Variants in LRRK1 observed in about 807,000 individuals in gnomAD.
LRRK1 encodes leucine rich repeat kinase 1.
LRRK1 carries 113 observed loss-of-function variants against 209.1 expected under a neutral mutation model. The observed-to-expected ratio is 0.54, with a 90% confidence interval of 0.46 to 0.63. The LOEUF is 0.63. Among genes scored for constraint, LRRK1 ranks in the 30% least tolerant of loss-of-function variants. LRRK1 has a pLI of 0.00. For missense variants in LRRK1, 2,284 were observed against 2,632.2 expected (o/e 0.87, Z 2.89); for synonymous variants, 1,144 against 1,099.7 (o/e 1.04, Z -0.80).
At chr15:101,014,721 T>C (rs551350995) in intron 11 of LRRK1, among the ~76,000 whole-genome samples, 1 of 152,182 alleles carries the variant, frequency 6.6e-6, no homozygotes, top group Non-Finnish European at 1.5e-5. Flanking sequence ...AATCTCCTCT[T>C]CTTATAAGGA....
intron 12 of LRRK1, among the ~76,000 whole-genome samples, chr15:101,018,208 A>G (rs1399508149): frequency 6.6e-6 from 1 of 150,636 alleles, no homozygotes; most frequent in East Asian, 1.9e-4. Flanking sequence ...ACAACACAAT[A>G]GGCAAAAAAA....
intron 32 of LRRK1, 110 bp downstream of exon 32, chr15:101,066,315 G>A: frequency 7.1e-7 from 1 of 1,404,468 alleles, no homozygotes; most frequent in Non-Finnish European, 9.6e-7. Context: ...TGGGGAGGCA[G>A]GTGCTGTTCT....
At chr15:100,943,441 TCTCA>T (rs1443577960) in intron 2 of LRRK1, among the ~76,000 whole-genome samples, 1 of 152,210 alleles carries the variant, frequency 6.6e-6, no homozygotes, top group Non-Finnish European at 1.5e-5. Flanking sequence ...ATGTTTCTAT[TCTCA>T]CTTTCTCCCC....
intron 1 of LRRK1, among the ~76,000 whole-genome samples, chr15:100,921,361 A>G (rs1157390023): frequency 6.6e-6 from 1 of 152,218 alleles, no homozygotes; most frequent in Non-Finnish European, 1.5e-5. Context: ...AGATATTTGG[A>G]TGCCCCCAAA....
At chr15:100,950,747 A>G in intron 2 of LRRK1, among the ~76,000 whole-genome samples, 1 of 152,350 alleles carries the variant, frequency 6.6e-6, no homozygotes, top group Admixed American at 6.5e-5. Flanking sequence ...TTTATCTTTA[A>G]AGGACTTGTA....
intron 12 of LRRK1, 45 bp downstream of exon 12, chr15:101,015,447 G>T: frequency 2.0e-6 from 3 of 1,469,342 alleles, no homozygotes; most frequent in Non-Finnish European, 2.8e-6. Flanking sequence ...AGACAGCCGG[G>T]GTAGCCTGGT....
At chr15:100,991,062 G>A (rs2032136326) in intron 6 of LRRK1, among the ~76,000 whole-genome samples, 1 of 152,184 alleles carries the variant, frequency 6.6e-6, no homozygotes, top group Admixed American at 6.5e-5. Flanking sequence ...CTTCCAGATA[G>A]CCAGCTACTC....
At chr15:101,034,372 G>C (rs929876154) in intron 20 of LRRK1, among the ~76,000 whole-genome samples, 1 of 152,004 alleles carries the variant, frequency 6.6e-6, no homozygotes, top group Non-Finnish European at 1.5e-5. Context: ...TCTTCTAGTA[G>C]TTTATAGTTT....
At chr15:100,970,002 C>T (rs1355924482) in intron 2 of LRRK1, among the ~76,000 whole-genome samples, 1 of 152,074 alleles carries the variant, frequency 6.6e-6, no homozygotes, top group Admixed American at 6.5e-5. Flanking sequence ...GATTCTCCTG[C>T]CTCAGCCTTC....
At chr15:100,957,468 G>A (rs1344930710) in intron 2 of LRRK1, among the ~76,000 whole-genome samples, 1 of 151,932 alleles carries the variant, frequency 6.6e-6, no homozygotes, top group Non-Finnish European at 1.5e-5. Flanking sequence ...ACTTATTTAT[G>A]TGCTCCAATG....
intron 3 of LRRK1, among the ~76,000 whole-genome samples, chr15:100,976,307 A>C (rs145829977): frequency 6.6e-4 from 101 of 152,314 alleles, no homozygotes; most frequent in African/African-American, 2.4e-3. Flanking sequence ...AGCTAACACA[A>C]CCTCAATACC....
In LRRK1 at chr15:101,022,471, G is replaced by A. The variant is rs777943245; in HGVS notation, c.1941G>A (p.Pro647=). ...TGAAGATGATCATCGTGGGTCCCCC[G>A]CGCCAGGGCAAGTCCACCCTCCTGG... ...KLMKMIIVGP[P]RQGKSTLLEI... Residue 647 remains proline (P), a synonymous_variant, in exon 15 of 34, where the codon CCG becomes CCA. Coordinates refer to ENST00000388948, the MANE Select transcript of LRRK1 (RefSeq NM_024652.6). This position sits in a 1 kb window ranked among gnomAD's most constrained non-coding sequence, Gnocchi z 4.0. 71 of 1,614,108 alleles carry A rather than the reference G, an allele frequency of 4.4e-5. No individual in the cohort carries two copies. The highest frequency in any genetic ancestry group is 4.8e-5 in the Non-Finnish European group (57 of 1,180,052).
chr15:101,028,184 G>C (rs948869448), intron 19 of LRRK1, among the ~76,000 whole-genome samples: 7 of 152,250 alleles, frequency 4.6e-5, no homozygotes, highest in Admixed American at 6.5e-5. Flanking sequence ...GCTCCTAGGA[G>C]AGACGCAGCG....
At position 101,071,153 on chromosome 15, in the gene LRRK1, T is replaced by G. The variant is rs1299645977; in HGVS notation, c.*2305T>G. ...CAGCATGGTCCCTGCAACTTTGGCC[T>G]CTGCCCAGTGACCTCTGGCGGGTGT... On this transcript the variant is annotated 3_prime_UTR_variant, in exon 34 of 34. Transcript: ENST00000388948. 1.3e-5 allele frequency: 2 copies of G among 152,274 alleles called. No homozygotes were observed. Among genetic ancestry groups the G allele is most frequent in the African/African-American group, 4.8e-5 (2 of 41,442 alleles). The allele number at this position is 152,274 out of a possible 1,614,324, so 9.4% of individuals were successfully genotyped here.
rs1025606965 is a variant in LRRK1 at position 101,074,833 on chromosome 15, C to T, written c.*5985C>T. ...CTACAAGTGCCAGAAATCTGGCCAC[C>T]AGGCCAAGGAATGCCTGCAGCCCAG... On this transcript the variant is annotated 3_prime_UTR_variant, in exon 34 of 34. Transcript: ENST00000388948. 2.0e-5 allele frequency: 3 copies of T among 152,158 alleles called. No individual in the cohort carries two copies. Among genetic ancestry groups the T allele is most frequent in the Admixed American group, 2.0e-4 (3 of 15,294 alleles). 9.4% of individuals were successfully genotyped at this position (152,158 alleles called of 1,614,324 possible).
intron 6 of LRRK1, among the ~76,000 whole-genome samples, chr15:100,999,204 G>A (rs149785257): frequency 1.3e-5 from 2 of 152,142 alleles, no homozygotes; most frequent in South Asian, 4.1e-4. Context: ...AGTGACAGGA[G>A]ATTTCTTGTA....
intron 20 of LRRK1, 72 bp downstream of exon 20, chr15:101,029,304 C>G: frequency 3.5e-6 from 5 of 1,436,676 alleles, no homozygotes; most frequent in Non-Finnish European, 4.7e-6. Flanking sequence ...TCTGGAGCCA[C>G]TGGTGGCCTG....
At chr15:101,039,852 A>T (rs547251405) in intron 20 of LRRK1, among the ~76,000 whole-genome samples, 5 of 152,256 alleles carry the variant, frequency 3.3e-5, no homozygotes, top group Admixed American at 6.5e-5. Context: ...TTTTTTCTTC[A>T]GTTATTTTTC....
At chr15:100,961,187 G>C (rs1467896585) in intron 2 of LRRK1, among the ~76,000 whole-genome samples, 1 of 152,202 alleles carries the variant, frequency 6.6e-6, no homozygotes, top group Non-Finnish European at 1.5e-5. Context: ...CAAAGGGCCT[G>C]AGTGTGCTGG....
Sources: allele counts gnomAD v4.1 joint callset (sites outside exome capture counted in the v4.1 genomes callset), GRCh38; gene constraint gnomAD v4.1.1; non-coding constraint Gnocchi (gnomAD v3.1); transcripts MANE v1.5; gene names NCBI Gene and HGNC (gene_info 2026-07-23, HGNC 2026-07-21).